The following OR56A3 variants were observed in gnomAD, a reference collection of about 807,000 sequenced individuals.
OR56A3 encodes the protein olfactory receptor 56A3.
In OR56A3, 23 loss-of-function variants were observed where a neutral mutation model predicts 17.5. The observed-to-expected ratio is 1.32, with a 90% CI of 0.95 to 1.87. The LOEUF (loss-of-function observed/expected upper bound fraction) is 1.87. Ranked by LOEUF, OR56A3 falls within the 40% of genes most tolerant of loss-of-function variation. The pLI is 0.00. For synonymous variants in OR56A3, 175 were observed against 150.6 expected (o/e 1.16, Z -1.19); for missense variants, 366 against 380.1 (o/e 0.96, Z 0.31).
At chr11:6,006,164 G>C in the OR56A3 span, 1 of 152,150 alleles carries the variant, frequency 6.6e-6, no homozygotes, top group African/African-American at 2.4e-5. Context: ...ACGAATACAG[G>C]AAGACATATG....
At chr11:5,968,396 G>C in the OR56A3 span, 2 of 1,612,938 alleles carry the variant, frequency 1.2e-6, no homozygotes, top group South Asian at 2.2e-5. Flanking sequence ...GGAGGCTGAG[G>C]GGCAGAGACA....
the OR56A3 span, among the ~76,000 whole-genome samples, chr11:5,956,981 C>T: frequency 6.6e-6 from 1 of 152,100 alleles, no homozygotes; most frequent in African/African-American, 2.4e-5. Flanking sequence ...CACGGTGAAA[C>T]TCATCTCCAC....
the OR56A3 span, among the ~76,000 whole-genome samples, chr11:5,980,701 G>T: frequency 1.3e-5 from 2 of 152,016 alleles, no homozygotes; most frequent in South Asian, 4.1e-4. Context: ...ATTAATATAT[G>T]CAGATTTGAT....
chr11:5,944,939 C>G lies in OR56A3; in HGVS notation c.-180C>G, dbSNP rs143307623. On this transcript the variant is annotated 5_prime_UTR_variant, in exon 2 of 3. Coordinates refer to ENST00000641160, the MANE Select transcript of OR56A3 (RefSeq NM_001003443.3). ...CCCTGGAGGAATGCCCGTCCTCCCT[C>G]CACTGACAGCAGCCACAGTTACTAA... 1.3e-5 allele frequency: 2 copies of G among 152,234 alleles called. No homozygotes were observed. Among genetic ancestry groups the G allele is most frequent in the African/African-American group, 4.8e-5 (2 of 41,522 alleles). The allele number at this position is 152,234 out of a possible 1,614,324, so 9.4% of individuals were successfully genotyped here. A position where few individuals can be genotyped will look rare whatever the true frequency, so the allele number is the denominator to read the frequency against.
the OR56A3 span, chr11:5,985,819 T>C: frequency 1.1e-6 from 1 of 873,480 alleles, no homozygotes; most frequent in Non-Finnish European, 1.7e-6. Flanking sequence ...ATGGCACTAG[T>C]AAGACTAGAA....
chr11:5,981,881 C>T, the OR56A3 span, among the ~76,000 whole-genome samples: 38,069 of 152,020 alleles, frequency 0.25, 4,824 homozygotes, highest in Non-Finnish European at 0.27. Flanking sequence ...GTGGTGTAAA[C>T]TGGATTCAGT....
the OR56A3 span, among the ~76,000 whole-genome samples, chr11:5,961,558 T>A: frequency 6.6e-6 from 1 of 151,962 alleles, no homozygotes; most frequent in Non-Finnish European, 1.5e-5. Flanking sequence ...AGCATACTCG[T>A]TAAGAGTCAT....
At chr11:5,967,923 G>T in the OR56A3 span, 8 of 1,595,046 alleles carry the variant, frequency 5.0e-6, no homozygotes, top group Admixed American at 1.2e-4. Context: ...GTCATCACAA[G>T]AGAGTTTAGA....
chr11:5,986,284 T>C, the OR56A3 span: 1 of 1,613,830 alleles, frequency 6.2e-7, no homozygotes, highest in Non-Finnish European at 8.5e-7. Flanking sequence ...AGTCAGCCCA[T>C]AAGCTCGATT....
In OR56A3 at chr11:5,949,880, A is replaced by G. The variant is rs1847897862; in HGVS notation, c.*1586A>G. ...AAGAAGCAATAGTTAAAAGCATATA[A>G]TCAATAATTTAATTAGAAATTTCTC... On this transcript the variant is annotated 3_prime_UTR_variant, in exon 3 of 3. Coordinates refer to ENST00000641160, the MANE Select transcript of OR56A3 (RefSeq NM_001003443.3). 1 of 152,224 alleles carries G rather than the reference A, an allele frequency of 6.6e-6. No homozygotes were observed. The allele number at this position is 152,224 out of a possible 1,614,324, so 9.4% of individuals were successfully genotyped here. A position where few individuals can be genotyped will look rare whatever the true frequency, so the allele number is the denominator to read the frequency against.
At chr11:5,978,330 CTATCCAT>C in the OR56A3 span, among the ~76,000 whole-genome samples, 2 of 152,140 alleles carry the variant, frequency 1.3e-5, no homozygotes, top group Admixed American at 6.6e-5. Flanking sequence ...TTGATTGTTT[CTATCCAT>C]GAGCATGGAA....
the OR56A3 span, among the ~76,000 whole-genome samples, chr11:6,010,704 C>T: frequency 7.2e-5 from 11 of 152,194 alleles, no homozygotes; most frequent in African/African-American, 2.4e-4. Context: ...CTAAGACAGA[C>T]ATTTCATACT....
At chr11:5,984,511 A>G in the OR56A3 span, among the ~76,000 whole-genome samples, 2 of 152,214 alleles carry the variant, frequency 1.3e-5, no homozygotes, top group Admixed American at 6.5e-5. Context: ...GCCTGAGATG[A>G]AGCTTAGACT....
At chr11:5,954,771 A>G (rs915127589), downstream of OR56A3, among the ~76,000 whole-genome samples, 46 of 152,348 alleles carry the variant, frequency 3.0e-4, no homozygotes, top group Non-Finnish European at 6.6e-4. Context: ...CTGGAACAAC[A>G]TACAGCCCTA....
Position 5,948,295 on chromosome 11 carries a change from C to G in OR56A3, c.*1C>G, listed in dbSNP as rs1847887242. ...GAGGTTGTTGAAGAAAGGGTGCTAA[C>G]AAGGACCACTGGATCTCTGAATATC... On this transcript the variant is annotated 3_prime_UTR_variant, in exon 3 of 3. Transcript: ENST00000641160. 1 of 1,594,194 alleles carries G rather than the reference C, an allele frequency of 6.3e-7. No individual in the cohort carries two copies. The highest frequency in any genetic ancestry group is 8.6e-7 in the Non-Finnish European group (1 of 1,162,438).
At chr11:5,945,723 T>C (rs1219424222) in intron 2 of OR56A3, among the ~76,000 whole-genome samples, 1 of 152,190 alleles carries the variant, frequency 6.6e-6, no homozygotes, top group Non-Finnish European at 1.5e-5. Flanking sequence ...GAAATATCAC[T>C]TCCCTTGTTT....
At chr11:5,976,777 T>C in the OR56A3 span, among the ~76,000 whole-genome samples, 1 of 152,116 alleles carries the variant, frequency 6.6e-6, no homozygotes, top group African/African-American at 2.4e-5. Context: ...CATGGATAAA[T>C]TTCATGTCGT....
the OR56A3 span, chr11:6,002,459 C>G: frequency 6.2e-7 from 1 of 1,614,192 alleles, no homozygotes; most frequent in Non-Finnish European, 8.5e-7. Flanking sequence ...AGATGCAGTT[C>G]TTGATTATGT....
At chr11:5,975,736 C>T in the OR56A3 span, among the ~76,000 whole-genome samples, 9 of 151,892 alleles carry the variant, frequency 5.9e-5, no homozygotes, top group African/African-American at 2.2e-4. Context: ...AATGGGATGG[C>T]TGGGTCAAAT....
Sources: gnomAD v4.1 joint callset for allele counts (sites outside exome capture counted in the v4.1 genomes callset) on GRCh38, gnomAD v4.1.1 for gene constraint, MANE v1.5 for transcripts, NCBI Gene and HGNC (gene_info 2026-07-23, HGNC 2026-07-21) for gene names.